Variants in CARMIL1 observed in about 807,000 individuals in gnomAD.
CARMIL1 encodes the protein F-actin-uncapping protein LRRC16A.
In CARMIL1, 90 loss-of-function variants were observed where a neutral mutation model predicts 177.1. That is an observed-to-expected ratio of 0.51 (90% CI 0.43 to 0.61). The LOEUF is 0.61. Ranked by LOEUF, CARMIL1 falls within the 20% of genes least tolerant of loss-of-function variation. CARMIL1 has a pLI of 0.00. For synonymous variants in CARMIL1, 577 were observed against 606.2 expected, an observed-to-expected ratio of 0.95 and a Z score of 0.71; for missense variants, 1,380 against 1,667.0, an observed-to-expected ratio of 0.83 and a Z score of 3.00.
chr6:25,541,367 C>T (rs949576931), intron 26 of CARMIL1, among the ~76,000 whole-genome samples: 1 of 152,050 alleles, frequency 6.6e-6, no homozygotes, highest in Non-Finnish European at 1.5e-5. Context: ...GTCATGAATA[C>T]AATTATAGGT....
At chr6:25,316,483 C>T (rs890458043) in intron 2 of CARMIL1, among the ~76,000 whole-genome samples, 2 of 151,174 alleles carry the variant, frequency 1.3e-5, no homozygotes, top group Non-Finnish European at 2.9e-5. Flanking sequence ...GTGATCTCCA[C>T]TCACCGCAAC....
Position 25,600,622 on chromosome 6 carries a change from T to G in CARMIL1, c.3428T>G (p.Val1143Gly). The change falls in exon 33 of 37, where the codon GTG (valine) becomes GGG (glycine). Residue 1143 changes from valine (V) to glycine (G), a missense_variant. By Grantham distance (109) the Val-to-Gly change is moderately radical. Coordinates refer to ENST00000329474, the MANE Select transcript of CARMIL1 (RefSeq NM_017640.6). ...AGTCAAGGGGAAGAAATAGGGAAGG[T>G]GGAACGGAGTGACAGCAAGAGCAGC... Reference protein sequence around the residue: ...EESQGEEIGKVERSDSKSSPQ... With the variant: ...EESQGEEIGKGERSDSKSSPQ... The G allele has an allele frequency of 5.0e-6, 8 of 1,613,690 alleles. No homozygotes were observed. Among genetic ancestry groups the G allele is most frequent in the Non-Finnish European group, 6.8e-6 (8 of 1,179,814 alleles).
chr6:25,502,551 CAAA>C (rs11399077), intron 17 of CARMIL1, among the ~76,000 whole-genome samples: 1 of 142,312 alleles, frequency 7.0e-6, no homozygotes, highest in Non-Finnish European at 1.5e-5. Context: ...GACTCTATCT[CAAA>C]AAAAAAAAAA....
chr6:25,456,372 AG>A (rs1799533299), intron 8 of CARMIL1, among the ~76,000 whole-genome samples: 1 of 152,238 alleles, frequency 6.6e-6, no homozygotes, highest in Admixed American at 6.5e-5. Context: ...ATAAGCATTC[AG>A]GAATAAGGAT....
At chr6:25,368,517 C>G (rs80281737) in intron 2 of CARMIL1, among the ~76,000 whole-genome samples, 12,912 of 152,196 alleles carry the variant, frequency 0.085, 798 homozygotes, top group East Asian at 0.27. Context: ...TCAATGTTTT[C>G]AAATGAAACC....
At chr6:25,482,077 T>G (rs1476914830) in intron 11 of CARMIL1, among the ~76,000 whole-genome samples, 180 bp from the exon 12 acceptor site, 13 of 152,206 alleles carry the variant, frequency 8.5e-5, no homozygotes, top group Admixed American at 8.5e-4. Context: ...TCTCTTACCC[T>G]GTAGGTAGGA....
chr6:25,314,544 A>G (rs12110528), intron 2 of CARMIL1, among the ~76,000 whole-genome samples: 1 of 105,424 alleles, frequency 9.5e-6, no homozygotes, highest in African/African-American at 5.5e-5. Context: ...ACGTATACAT[A>G]CACATACATA....
chr6:25,358,377 A>G (rs895258411), intron 2 of CARMIL1, among the ~76,000 whole-genome samples: 1 of 152,222 alleles, frequency 6.6e-6, no homozygotes, highest in African/African-American at 2.4e-5. Flanking sequence ...GTGACGCATA[A>G]AAAGTATATA....
At chr6:25,364,572 C>CTTCTTTTTTTTTTTT (rs556207628) in intron 2 of CARMIL1, among the ~76,000 whole-genome samples, 2 of 150,470 alleles carry the variant, frequency 1.3e-5, no homozygotes, top group African/African-American at 4.9e-5. Context: ...TCTTTTTCTT[C>CTTCTTTTTTTTTTTT]TTTTTTTTGA....
chr6:25,548,864 C>G (rs1809780770), intron 26 of CARMIL1, among the ~76,000 whole-genome samples: 1 of 152,184 alleles, frequency 6.6e-6, no homozygotes, highest in Non-Finnish European at 1.5e-5. Flanking sequence ...CAACCTTGAG[C>G]AAGTCACTTA....
intron 5 of CARMIL1, among the ~76,000 whole-genome samples, chr6:25,438,296 A>C (rs1014502181): frequency 6.6e-6 from 1 of 152,152 alleles, no homozygotes; most frequent in Non-Finnish European, 1.5e-5. Context: ...ATTTTCTACT[A>C]TATGCTAGGC....
intron 29 of CARMIL1, among the ~76,000 whole-genome samples, chr6:25,578,536 T>C (rs1167123165): frequency 2.0e-5 from 3 of 152,184 alleles, no homozygotes; most frequent in Non-Finnish European, 1.5e-5. Flanking sequence ...AAGTCCACAT[T>C]TTCTGTAAAA....
chr6:25,370,804 T>A (rs889186870), intron 2 of CARMIL1, among the ~76,000 whole-genome samples: 4 of 152,116 alleles, frequency 2.6e-5, no homozygotes, highest in African/African-American at 9.7e-5. Flanking sequence ...GTACAAATGG[T>A]TTTTGGTTAC....
intron 31 of CARMIL1, among the ~76,000 whole-genome samples, chr6:25,581,654 G>A (rs551238419): frequency 6.6e-6 from 1 of 152,278 alleles, no homozygotes; most frequent in South Asian, 2.1e-4. Flanking sequence ...CAACATAATT[G>A]TGGAGAAAAC....
chr6:25,423,555 G>A (rs1796042578), intron 3 of CARMIL1, among the ~76,000 whole-genome samples: 1 of 152,182 alleles, frequency 6.6e-6, no homozygotes, highest in Admixed American at 6.5e-5. Flanking sequence ...GCGGTGGTGG[G>A]AGGGAAACAG....
rs80304491 is a variant in CARMIL1, at chr6:25,552,663, C to A, written c.2505-1346C>A. 3.2e-3 allele frequency among the ~76,000 whole-genome samples: 489 copies of A among 152,190 alleles called. 4 individuals are homozygous for A. The highest frequency in any genetic ancestry group is 9.8e-3 in the African/African-American group (406 of 41,518). ...TCCGGTAGCAAAATGATAGAATGAT[C>A]CTGAGATATTAAAAAATAATTGCGT... is the stretch of plus-strand genomic sequence containing the variant. On this transcript the variant is annotated intron_variant, in intron 27 of 36. Transcript: ENST00000329474.
At chr6:25,405,209 C>T (rs532830382) in intron 2 of CARMIL1, among the ~76,000 whole-genome samples, 5 of 152,300 alleles carry the variant, frequency 3.3e-5, no homozygotes, top group South Asian at 4.1e-4. Context: ...ACCTGAGCTT[C>T]GAGAAAGAAA....
At chr6:25,530,528 A>G (rs1471011139) in intron 24 of CARMIL1, among the ~76,000 whole-genome samples, 1 of 152,182 alleles carries the variant, frequency 6.6e-6, no homozygotes, top group Non-Finnish European at 1.5e-5. Context: ...CTATCTTACA[A>G]GGGAACTAAA....
At chr6:25,297,059 C>T (rs1782461906) in intron 2 of CARMIL1, among the ~76,000 whole-genome samples, 1 of 152,236 alleles carries the variant, frequency 6.6e-6, no homozygotes, top group Admixed American at 6.5e-5. Context: ...TCCTGAGTGT[C>T]TGAGACTACA....
Sources: allele counts gnomAD v4.1 joint callset (sites outside exome capture counted in the v4.1 genomes callset), GRCh38; gene constraint gnomAD v4.1.1; transcripts MANE v1.5; gene names NCBI Gene and HGNC (gene_info 2026-07-23, HGNC 2026-07-21).